The following MAP2K1 variants were observed in gnomAD, a reference collection of about 807,000 sequenced individuals.
MAP2K1 encodes mitogen-activated protein kinase kinase 1, also known as dual specificity mitogen-activated protein kinase kinase 1.
In MAP2K1, 16 loss-of-function variants were observed where a neutral mutation model predicts 46.3. The observed-to-expected ratio is 0.35, with a 90% CI of 0.23 to 0.52. MAP2K1 has a LOEUF of 0.52. MAP2K1 is among the 20% of genes least tolerant of loss of function. The pLI, the probability that MAP2K1 is intolerant of heterozygous loss-of-function variation, is 0.94. For synonymous variants in MAP2K1, 183 were observed against 185.6 expected, an observed-to-expected ratio of 0.99 and a Z score of 0.11; for missense variants, 263 against 497.1, an observed-to-expected ratio of 0.53 and a Z score of 4.48.
intron 1 of MAP2K1, among the ~76,000 whole-genome samples, chr15:66,400,325 C>T (rs1321886687): frequency 6.6e-6 from 1 of 152,138 alleles, no homozygotes; most frequent in Admixed American, 6.6e-5. Flanking sequence ...TGCCCAGACA[C>T]TTTCTCTTTT....
At chr15:66,459,651 C>G (rs1417005443) in intron 5 of MAP2K1, among the ~76,000 whole-genome samples, 1 of 151,156 alleles carries the variant, frequency 6.6e-6, no homozygotes, top group East Asian at 1.9e-4. Context: ...GTATCCTTTT[C>G]CTGGGGAGAG....
At chr15:66,454,998 C>T (rs1201955898) in intron 5 of MAP2K1, among the ~76,000 whole-genome samples, 1 of 152,144 alleles carries the variant, frequency 6.6e-6, no homozygotes, top group Non-Finnish European at 1.5e-5. Context: ...GGGAGGTTGG[C>T]TCAGTCAGGC....
At chr15:66,466,287 A>T (rs1892463467) in intron 5 of MAP2K1, among the ~76,000 whole-genome samples, 1 of 152,246 alleles carries the variant, frequency 6.6e-6, no homozygotes, top group South Asian at 2.1e-4. Context: ...TATTGCCGTA[A>T]GTTAAGAATA....
chr15:66,440,745 G>A (rs1031069523), intron 3 of MAP2K1, among the ~76,000 whole-genome samples: 13 of 152,100 alleles, frequency 8.5e-5, no homozygotes, highest in African/African-American at 2.9e-4. Context: ...GTTAATAATT[G>A]GCTTCTAAAA....
At chr15:66,420,721 ATGTGTG>A (rs1166822915) in intron 1 of MAP2K1, among the ~76,000 whole-genome samples, 9 of 29,684 alleles carry the variant, frequency 3.0e-4, no homozygotes, top group South Asian at 1.3e-3. Context: ...ATATATATAT[ATGTGTG>A]TGTGTGTGTG....
chr15:66,396,258 C>T (rs1436324702), intron 1 of MAP2K1, among the ~76,000 whole-genome samples: 1 of 152,024 alleles, frequency 6.6e-6, no homozygotes, highest in Non-Finnish European at 1.5e-5. Context: ...GCTGGGATTA[C>T]AGGTGTGAGT....
intron 4 of MAP2K1, among the ~76,000 whole-genome samples, chr15:66,443,649 C>T (rs1456283358): frequency 6.6e-6 from 1 of 151,950 alleles, no homozygotes; most frequent in Non-Finnish European, 1.5e-5. Context: ...GGCAGGAGGA[C>T]TGCTTGAGCC....
intron 3 of MAP2K1, 124 bp from the exon 4 acceptor site, chr15:66,443,156 G>C (rs911723090): frequency 8.5e-6 from 5 of 586,520 alleles, no homozygotes; most frequent in Non-Finnish European, 1.6e-5. Flanking sequence ...GTGTGATCTC[G>C]GCTCACTGCA....
intron 1 of MAP2K1, among the ~76,000 whole-genome samples, chr15:66,389,887 C>G (rs1318799718): frequency 6.6e-6 from 1 of 152,036 alleles, no homozygotes; most frequent in African/African-American, 2.4e-5. Context: ...TGGTTCAAGT[C>G]TTTTAGTCTA....
At chr15:66,482,116 G>A (rs1381164415) in intron 6 of MAP2K1, among the ~76,000 whole-genome samples, 3 of 152,136 alleles carry the variant, frequency 2.0e-5, no homozygotes, top group Non-Finnish European at 4.4e-5. Flanking sequence ...GGACTGTCCA[G>A]CTCCAGAGTG....
chr15:66,412,224 A>C (rs1458050075), intron 1 of MAP2K1, among the ~76,000 whole-genome samples: 1 of 152,250 alleles, frequency 6.6e-6, no homozygotes, highest in Non-Finnish European at 1.5e-5. Flanking sequence ...TGTTGTGTTT[A>C]GGAATCAGCT....
Position 66,463,048 on chromosome 15 carries a change from A to G in MAP2K1, c.568+18341A>G, listed in dbSNP as rs552452573. ...AGTGTGTATCAAGTCCATCCCAGAC[A>G]CAGCCCAGATTCAACCTGACCCTCT... is the stretch of plus-strand genomic sequence containing the variant. On this transcript the variant is annotated intron_variant, in intron 5 of 10. Transcript: ENST00000307102. Among the ~76,000 whole-genome samples the G allele has an allele frequency of 6.6e-5, 10 of 152,338 alleles. No individual in the cohort carries two copies. In the South Asian group the frequency reaches 2.1e-3, roughly 32 times the overall value.
chr15:66,387,503 G>T, intron 1 of MAP2K1, 76 bp downstream of exon 1: 2 of 1,428,224 alleles, frequency 1.4e-6, no homozygotes, highest in Non-Finnish European at 1.9e-6. Context: ...CGCGCGCCAG[G>T]CTCCGATCTG....
At chr15:66,439,285 G>C (rs1438852231) in intron 3 of MAP2K1, among the ~76,000 whole-genome samples, 1 of 152,216 alleles carries the variant, frequency 6.6e-6, no homozygotes, top group Non-Finnish European at 1.5e-5. Flanking sequence ...CTCTGTCACA[G>C]TCTTTGCATG....
chr15:66,464,723 C>T lies in MAP2K1; in HGVS notation c.569-17032C>T, dbSNP rs1036093377. The stretch of plus-strand genomic sequence containing the variant: ...TATTTTTAGTAGAGACAGGGTTTCT[C>T]CATGTTGGTCACGCTGTGGTCTCGA... On this transcript the variant is annotated intron_variant, in intron 5 of 10. Coordinates refer to ENST00000307102, the MANE Select transcript of MAP2K1 (RefSeq NM_002755.4). 4.0e-5 allele frequency among the ~76,000 whole-genome samples: 6 copies of T among 151,446 alleles called. No homozygotes were observed. The East Asian group carries it at 1.2e-3, about 30-fold the overall frequency.
chr15:66,396,428 G>C (rs12911698), intron 1 of MAP2K1, among the ~76,000 whole-genome samples: 8,552 of 151,344 alleles, frequency 0.057, 347 homozygotes, highest in Middle Eastern at 0.11. Flanking sequence ...CACCACCATG[G>C]CCGGCTAATT....
Position 66,489,838 on chromosome 15 carries a change from A to G in MAP2K1, c.1068+75A>G, listed in dbSNP as rs1345641452. The G allele has an allele frequency of 2.4e-6, 3 of 1,262,524 alleles. No individual in the cohort carries two copies. In the East Asian group the frequency reaches 6.9e-5, roughly 29 times the overall value. 78.2% of individuals were successfully genotyped at this position (1,262,524 alleles called of 1,614,324 possible). Reference sequence around the variant, plus strand: ...CTTCTCTGTCAGTCATCTGTGCAGTACTTCCAGAGCCCATTCATTCCCTGC... The same window carrying G: ...CTTCTCTGTCAGTCATCTGTGCAGTGCTTCCAGAGCCCATTCATTCCCTGC... On this transcript the variant is annotated intron_variant, in intron 10 of 10. Transcript: ENST00000307102.
At chr15:66,436,237 G>T (rs1272537787) in intron 2 of MAP2K1, among the ~76,000 whole-genome samples, 1 of 152,110 alleles carries the variant, frequency 6.6e-6, no homozygotes, top group African/African-American at 2.4e-5. Context: ...ACCTTACTAC[G>T]TAACTATTTA....
rs1265809314 is a variant in MAP2K1 at position 66,435,211 on chromosome 15, C to G, written c.265C>G (p.Pro89Ala). 6.2e-7 allele frequency: 1 copy of G among 1,614,122 alleles called. No homozygotes were observed. The change falls in exon 2 of 11, where the codon CCT (proline) becomes GCT (alanine). Residue 89 changes from proline to alanine, a missense_variant. By Grantham distance (27) the Pro-to-Ala change is conservative. Coordinates refer to ENST00000307102, the MANE Select transcript of MAP2K1 (RefSeq NM_002755.4). Reference protein sequence around the residue: ...GGVVFKVSHKPSGLVMARKLI... With the variant: ...GGVVFKVSHKASGLVMARKLI... ...TGTGGTGTTCAAGGTCTCCCACAAG[C>G]CTTCTGGCCTGGTCATGGCCAGAAA... is the stretch of plus-strand genomic sequence containing the variant.
Sources: allele counts gnomAD v4.1 joint callset (sites outside exome capture counted in the v4.1 genomes callset), GRCh38; gene constraint gnomAD v4.1.1; transcripts MANE v1.5; gene names NCBI Gene and HGNC (gene_info 2026-07-23, HGNC 2026-07-21).